The following KLRB1 variants were observed in gnomAD, a reference collection of about 807,000 sequenced individuals.
KLRB1 encodes killer cell lectin like receptor B1.
KLRB1 carries 27 observed loss-of-function variants against 33.5 expected under a neutral mutation model. The ratio of observed to expected loss-of-function variants is 0.81; its 90% CI spans 0.59 to 1.11. The LOEUF (loss-of-function observed/expected upper bound fraction) is 1.11. Among genes scored for constraint, KLRB1 ranks in the 50% most tolerant of loss-of-function variants. KLRB1 has a pLI of 0.00. For missense variants in KLRB1, 241 were observed against 254.1 expected (o/e 0.95, Z 0.35); for synonymous variants, 64 against 88.9 (o/e 0.72, Z 1.58).
intron 1 of KLRB1, among the ~76,000 whole-genome samples, chr12:9,602,218 C>T (rs532559178): frequency 2.6e-5 from 4 of 152,260 alleles, no homozygotes; most frequent in South Asian, 2.1e-4. Flanking sequence ...ACATAACATG[C>T]GCTTATGTCT....
At chr12:9,602,312 A>G (rs1864554609) in intron 1 of KLRB1, among the ~76,000 whole-genome samples, 1 of 152,178 alleles carries the variant, frequency 6.6e-6, no homozygotes, top group African/African-American at 2.4e-5. Flanking sequence ...TGAATCTCCC[A>G]TGTTCTTCAA....
At chr12:9,607,376 CTTTCTTTCTTTCTTTCTTTCTTTCTTTCT>C (rs1864628785) in intron 1 of KLRB1, among the ~76,000 whole-genome samples, 2 of 79,932 alleles carry the variant, frequency 2.5e-5, no homozygotes, top group Admixed American at 1.4e-4. Flanking sequence ...TTCTTTCTTT[CTTTCTTTCTTTCTTTCTTTCTTTCTTTCT>C]TTTCTTTCTT....
chr12:9,600,147 A>G (rs1337651311), intron 2 of KLRB1, among the ~76,000 whole-genome samples: 1 of 152,196 alleles, frequency 6.6e-6, no homozygotes, highest in Non-Finnish European at 1.5e-5. Context: ...CCTGAACTTT[A>G]TCATCTTCAA....
At chr12:9,599,902 T>TA (rs1455858240) in intron 2 of KLRB1, 61 bp from the exon 3 acceptor site, 1 of 926,092 alleles carries the variant, frequency 1.1e-6, no homozygotes, top group Non-Finnish European at 1.8e-6. Flanking sequence ...GTGGATATAT[T>TA]ATATTTGTTA....
chr12:9,607,276 C>CCTTTG (rs71045274), intron 1 of KLRB1, among the ~76,000 whole-genome samples: 7 of 126,702 alleles, frequency 5.5e-5, no homozygotes, highest in Non-Finnish European at 1.2e-4. Context: ...CCTTTCCTTT[C>CCTTTG]TCTCTCTTTC....
At position 9,595,011 on chromosome 12, in the gene KLRB1, G is replaced by A. The variant is rs774444601; in HGVS notation, c.*263C>T. 1.3e-5 allele frequency: 5 copies of A among 391,492 alleles called. No individual in the cohort carries two copies. The highest frequency in any genetic ancestry group is 4.1e-5 in the Admixed American group (1 of 24,422). 24.3% of individuals were successfully genotyped at this position (391,492 alleles called of 1,614,324 possible). On this transcript the variant is annotated 3_prime_UTR_variant, in exon 6 of 6. Transcript: ENST00000229402. Reference sequence around the variant, plus strand: ...AATCATATACCAATCTGGCATATTCGGGGACATCCTTCACTCCTTCACCAT... The same window carrying A: ...AATCATATACCAATCTGGCATATTCAGGGACATCCTTCACTCCTTCACCAT...
Position 9,607,632 on chromosome 12 carries a change from C to T in KLRB1, c.85+123G>A, listed in dbSNP as rs778606909. On this transcript the variant is annotated intron_variant, in intron 1 of 5. Coordinates refer to ENST00000229402, the MANE Select transcript of KLRB1 (RefSeq NM_002258.3). ...ATCTACAGGCAAGCCATGCAACACCCGTTAAACATTAATATAAAACTACTG... is the reference window on the plus strand; with the variant it reads ...ATCTACAGGCAAGCCATGCAACACCTGTTAAACATTAATATAAAACTACTG... The T allele has an allele frequency of 1.4e-4, 91 of 667,486 alleles. 1 individual carries two copies. The highest frequency in any genetic ancestry group is 2.3e-4 in the Non-Finnish European group (87 of 380,436). The allele number at this position is 667,486 out of a possible 1,614,324, so 41.3% of individuals were successfully genotyped here.
In KLRB1 at chr12:9,598,033, A is replaced by C; in HGVS notation, c.530+13T>G. The C allele has an allele frequency of 8.6e-7, 1 of 1,158,856 alleles. No homozygotes were observed. Among genetic ancestry groups the C allele is most frequent in the Non-Finnish European group, 1.3e-6 (1 of 781,688 alleles). The allele number at this position is 1,158,856 out of a possible 1,614,324, so 71.8% of individuals were successfully genotyped here. A position where few individuals can be genotyped will look rare whatever the true frequency, so the allele number is the denominator to read the frequency against. ...ATAAATTGAATATTAAAGTTAGCTCATCTAATACTCACTCATTAGAATTTA... is the reference window on the plus strand; with the variant it reads ...ATAAATTGAATATTAAAGTTAGCTCCTCTAATACTCACTCATTAGAATTTA... On this transcript the variant is annotated intron_variant, in intron 5 of 5. Coordinates refer to ENST00000229402, the MANE Select transcript of KLRB1 (RefSeq NM_002258.3).
chr12:9,599,867 A>T lies in KLRB1; in HGVS notation c.185-26T>A, dbSNP rs201252633. The T allele has an allele frequency of 3.4e-5, 45 of 1,326,308 alleles. No individual in the cohort carries two copies. The East Asian group carries it at 9.9e-4, about 29-fold the overall frequency. 82.2% of individuals were successfully genotyped at this position (1,326,308 alleles called of 1,614,324 possible). A position where few individuals can be genotyped will look rare whatever the true frequency, so the allele number is the denominator to read the frequency against. ...CTAGTACATAAGGAAAAACAAGAGT[A>T]TTAAATGCTGAAATGTGTGGTGGAG... is the stretch of plus-strand genomic sequence containing the variant. On this transcript the variant is annotated intron_variant, in intron 2 of 5. Transcript: ENST00000229402.
Position 9,594,594 on chromosome 12 carries a change from C to T in KLRB1, c.*680G>A, listed in dbSNP as rs1311351814. On this transcript the variant is annotated 3_prime_UTR_variant, in exon 6 of 6. Coordinates refer to ENST00000229402, the MANE Select transcript of KLRB1 (RefSeq NM_002258.3). ...ACACATTTTATTCGTTTTGCATGTA[C>T]ATGAGGAACTCGCAAGAGAGTGAAA... The T allele has an allele frequency of 6.6e-6, 1 of 152,022 alleles. No homozygotes were observed. Among genetic ancestry groups the T allele is most frequent in the Admixed American group, 6.6e-5 (1 of 15,264 alleles). The allele number at this position is 152,022 out of a possible 1,614,324, so 9.4% of individuals were successfully genotyped here. A position where few individuals can be genotyped will look rare whatever the true frequency, so the allele number is the denominator to read the frequency against.
intron 1 of KLRB1, among the ~76,000 whole-genome samples, chr12:9,606,672 TA>T (rs1864603521): frequency 1.0e-5 from 1 of 96,368 alleles, no homozygotes; most frequent in South Asian, 2.5e-4. Flanking sequence ...ATAAAATATA[TA>T]AAATATATGT....
rs751750194 is a variant in KLRB1, at chr12:9,595,068, G to A, written c.*206C>T. Reference sequence around the variant, plus strand: ...TCACTGTTTCTTTAAAACGATGCACGTTTTTCTCTATGTCTCTGTTTCCTC... The same window carrying A: ...TCACTGTTTCTTTAAAACGATGCACATTTTTCTCTATGTCTCTGTTTCCTC... On this transcript the variant is annotated 3_prime_UTR_variant, in exon 6 of 6. Transcript: ENST00000229402. The A allele has an allele frequency of 9.2e-6, 5 of 542,042 alleles. No individual in the cohort carries two copies. In the South Asian group the frequency reaches 1.1e-4, roughly 12 times the overall value. The allele number at this position is 542,042 out of a possible 1,614,324, so 33.6% of individuals were successfully genotyped here.
chr12:9,599,211 T>G (rs1387002903), intron 3 of KLRB1, among the ~76,000 whole-genome samples: 1 of 152,226 alleles, frequency 6.6e-6, no homozygotes, highest in Non-Finnish European at 1.5e-5. Context: ...TGTGATCTAT[T>G]GGATAGAATT....
Position 9,607,377 on chromosome 12 carries a change from T to TC in KLRB1, c.85+377_85+378insG, listed in dbSNP as rs1565444671. 3.7e-3 allele frequency among the ~76,000 whole-genome samples: 376 copies of TC among 101,920 alleles called. 6 individuals carry two copies. The highest frequency in any genetic ancestry group is 0.011 in the African/African-American group (350 of 32,254). 66.9% of individuals were successfully genotyped at this position (101,920 alleles called of 152,430 possible). The stretch of plus-strand genomic sequence containing the variant: ...CTTCCTTTCTTTCTTTCTTTCTTTC[T>TC]TTCTTTCTTTCTTTCTTTCTTTCTT... On this transcript the variant is annotated intron_variant, in intron 1 of 5. Transcript: ENST00000229402.
At chr12:9,602,191 A>G (rs777407746) in intron 1 of KLRB1, among the ~76,000 whole-genome samples, 1 of 152,326 alleles carries the variant, frequency 6.6e-6, no homozygotes, top group African/African-American at 2.4e-5. Context: ...ACCTTTTTCA[A>G]TATTATCACT....
At chr12:9,597,855 T>C (rs1392501856) in intron 5 of KLRB1, among the ~76,000 whole-genome samples, 191 bp downstream of exon 5, 3 of 152,174 alleles carry the variant, frequency 2.0e-5, no homozygotes, top group African/African-American at 7.2e-5. Flanking sequence ...TATTTTCTCA[T>C]AAAGAGCTGA....
intron 1 of KLRB1, among the ~76,000 whole-genome samples, chr12:9,607,335 C>CCTTCCTTTCTTTCTTTCTTT: frequency 1.5e-5 from 1 of 65,270 alleles, no homozygotes; most frequent in Admixed American, 1.8e-4. Flanking sequence ...CTCTTTCTTT[C>CCTTCCTTTCTTTCTTTCTTT]CTTTCTTTCT....
intron 1 of KLRB1, among the ~76,000 whole-genome samples, chr12:9,607,374 T>TTCTTTCTTTCTTTCTTTCTTTCTC (rs1864628622): frequency 4.3e-5 from 4 of 94,108 alleles, no homozygotes; most frequent in Non-Finnish European, 9.2e-5. Context: ...CTTTCTTTCT[T>TTCTTTCTTTCTTTCTTTCTTTCTC]TCTTTCTTTC....
intron 1 of KLRB1, among the ~76,000 whole-genome samples, chr12:9,605,184 T>C (rs1864586233): frequency 6.6e-6 from 1 of 152,260 alleles, no homozygotes; most frequent in South Asian, 2.1e-4. Context: ...TTTTTATGGC[T>C]GCACAGTATT....
Sources: allele counts gnomAD v4.1 joint callset (sites outside exome capture counted in the v4.1 genomes callset), GRCh38; gene constraint gnomAD v4.1.1; transcripts MANE v1.5; gene names NCBI Gene and HGNC (gene_info 2026-07-23, HGNC 2026-07-21).